Variants in DBN1 observed in about 807,000 individuals in gnomAD.
DBN1 encodes the protein drebrin 1, also known as drebrin.
In DBN1, 21 loss-of-function variants were observed where a neutral mutation model predicts 83.5. The ratio of observed to expected loss-of-function variants is 0.25; its 90% CI spans 0.18 to 0.36. The LOEUF (loss-of-function observed/expected upper bound fraction) is 0.36. Ranked by LOEUF, DBN1 falls within the 10% of genes least tolerant of loss-of-function variation. The pLI is 1.00. For missense variants in DBN1, 874 were observed against 935.7 expected, an observed-to-expected ratio of 0.93 and a Z score of 0.86; for synonymous variants, 381 against 384.9, an observed-to-expected ratio of 0.99 and a Z score of 0.12.
chr5:177,457,908 G>A (rs1238816472), intron 13 of DBN1, 150 bp downstream of exon 13: 4 of 767,842 alleles, frequency 5.2e-6, no homozygotes, highest in East Asian at 6.7e-5. Context: ...AGCAGAGCCG[G>A]CCCAGGGAGG....
At chr5:177,460,219 C>G (rs1385473899) in intron 10 of DBN1, among the ~76,000 whole-genome samples, 1 of 152,220 alleles carries the variant, frequency 6.6e-6, no homozygotes, top group Non-Finnish European at 1.5e-5. Flanking sequence ...CCTAGCACTC[C>G]CCACTGTTCA....
chr5:177,468,810 G>GA (rs1372423622), intron 2 of DBN1, 34 bp downstream of exon 2: 44 of 1,308,724 alleles, frequency 3.4e-5, no homozygotes, highest in Non-Finnish European at 4.1e-5. Context: ...GGAGGGGGTG[G>GA]AGAAGGCGGC....
intron 1 of DBN1, among the ~76,000 whole-genome samples, 200 bp from the exon 2 acceptor site, chr5:177,469,099 G>T (rs1161617632): frequency 6.6e-6 from 1 of 152,130 alleles, no homozygotes. Context: ...TGGGTCAGGG[G>T]GGCGCAGGCA....
At chr5:177,464,090 G>C (rs931730656) in intron 8 of DBN1, among the ~76,000 whole-genome samples, 1 of 151,666 alleles carries the variant, frequency 6.6e-6, no homozygotes, top group Non-Finnish European at 1.5e-5. Flanking sequence ...ACTCTAGCCT[G>C]GGGGACAAGA....
Position 177,457,326 on chromosome 5 carries a change from T to A in DBN1, c.*107A>T, listed in dbSNP as rs1008106891. ...CCCCAGCCAGGGCCGGAATCCGGAG[T>A]GGGTGCCAGGCGGAGCTGCTGCGAA... On this transcript the variant is annotated 3_prime_UTR_variant, in exon 15 of 15. Coordinates refer to ENST00000393565, the MANE Select transcript of DBN1 (RefSeq NM_001363541.2). 5.5e-6 allele frequency: 5 copies of A among 905,938 alleles called. No homozygotes were observed. Among genetic ancestry groups the A allele is most frequent in the Non-Finnish European group, 9.1e-6 (5 of 547,778 alleles). 56.1% of individuals were successfully genotyped at this position (905,938 alleles called of 1,614,324 possible). A position where few individuals can be genotyped will look rare whatever the true frequency, so the allele number is the denominator to read the frequency against.
At chr5:177,457,886 C>T (rs1452822492) in intron 13 of DBN1, 129 bp from the exon 14 acceptor site, 1 of 800,320 alleles carries the variant, frequency 1.2e-6, no homozygotes. Context: ...GGATGCCTGC[C>T]TTGGGAACAA....
At position 177,460,685 on chromosome 5, in the gene DBN1, C is replaced by T; in HGVS notation, c.790G>A (p.Glu264Lys). The change falls in exon 9 of 15, where the codon GAG becomes AAG. Residue 264 changes from glutamate (E) to lysine (K), a missense_variant. By Grantham distance (56) the Glu-to-Lys change is moderately conservative. Coordinates refer to ENST00000393565, the MANE Select transcript of DBN1 (RefSeq NM_001363541.2). Reference sequence around the variant, plus strand: ...GACTTCTTCATGTGGGTCTCTTCCTCCTCATCCCGATGGTCACCCTAGAAA... The same window carrying T: ...GACTTCTTCATGTGGGTCTCTTCCTTCTCATCCCGATGGTCACCCTAGAAA... ...QSIFGDHRDEEEETHMKKSES... is the reference protein window; with the variant it reads ...QSIFGDHRDEKEETHMKKSES... 2 of 1,614,186 alleles carry T rather than the reference C, an allele frequency of 1.2e-6. No individual in the cohort carries two copies. The highest frequency in any genetic ancestry group is 2.2e-5 in the South Asian group (2 of 91,080).
At position 177,464,926 on chromosome 5, in the gene DBN1, GGGCA is replaced by G. The variant is rs1757327181; in HGVS notation, c.771+1842_771+1845del. On this transcript the variant is annotated intron_variant, in intron 8 of 14. Transcript: ENST00000393565. ...TCCCAGCACTTTGGGTGGCTGAGGT[GGGCA>G]GATCATGAGGTCAGGAGATCGAGAC... Among the ~76,000 whole-genome samples the G allele has an allele frequency of 2.6e-5, 4 of 152,048 alleles. No individual in the cohort carries two copies. In the South Asian group the frequency reaches 6.2e-4, roughly 24 times the overall value.
chr5:177,472,404 G>A (rs921511173), intron 1 of DBN1: 11 of 1,442,518 alleles, frequency 7.6e-6, no homozygotes, highest in Admixed American at 6.1e-5. Flanking sequence ...TTCCCTAGAA[G>A]AAGAGTATTA....
chr5:177,464,669 C>A (rs916577927), intron 8 of DBN1, among the ~76,000 whole-genome samples: 2 of 151,088 alleles, frequency 1.3e-5, no homozygotes. Context: ...CTGCTGGGTG[C>A]GGTGGCTCAT....
chr5:177,461,308 C>G (rs1299140957), intron 8 of DBN1, among the ~76,000 whole-genome samples: 1 of 150,976 alleles, frequency 6.6e-6, no homozygotes, highest in Non-Finnish European at 1.5e-5. Context: ...CCGTTTTAGC[C>G]GGGATGGTCT....
chr5:177,468,616 T>G (rs1757633939), intron 2 of DBN1: 1 of 428,574 alleles, frequency 2.3e-6, no homozygotes, highest in Non-Finnish European at 4.1e-6. Flanking sequence ...TAAGTCACTT[T>G]CCCTGTTGGA....
chr5:177,468,130 G>C lies in DBN1; in HGVS notation c.233C>G (p.Pro78Arg), dbSNP rs1475591865. The C allele has an allele frequency of 6.2e-7, 1 of 1,611,072 alleles. No homozygotes were observed. Among genetic ancestry groups the C allele is most frequent in the African/African-American group, 1.3e-5 (1 of 74,702 alleles). ...CSVKDSQAALPKYVLINWVGE... is the reference protein window; with the variant it reads ...CSVKDSQAALRKYVLINWVGE... ...TACCCAGTTGATGAGCACGTATTTT[G>C]GCAGAGCAGCTTGGGAGTCCTTGAC... Residue 78 changes from proline (P) to arginine (R), a missense_variant, in exon 3 of 15, where the codon CCA (proline) becomes CGA (arginine). Pro to Arg is a moderately radical substitution (Grantham distance 103). Transcript: ENST00000393565.
In DBN1 at chr5:177,460,741, C is replaced by G. The variant is rs113949930; in HGVS notation, c.772-38G>C. 1,201 of 1,604,254 alleles carry G rather than the reference C, an allele frequency of 7.5e-4. 2 individuals are homozygous for G. Among genetic ancestry groups the G allele is most frequent in the Non-Finnish European group, 9.6e-4 (1,122 of 1,173,488 alleles). On this transcript the variant is annotated intron_variant, in intron 8 of 14. Coordinates refer to ENST00000393565, the MANE Select transcript of DBN1 (RefSeq NM_001363541.2). ...GGGACAGTGTCTGGTGCACCTACCC[C>G]CCACAGGGGCTTTTGGCCTTCTTTT...
In DBN1 at chr5:177,473,424, CG is replaced by C. The variant is rs1465201654; in HGVS notation, c.86+11del. The C allele has an allele frequency of 5.2e-6, 7 of 1,335,318 alleles. No homozygotes were observed. Among genetic ancestry groups the C allele is most frequent in the Middle Eastern group, 2.7e-4 (1 of 3,664 alleles). The allele number at this position is 1,335,318 out of a possible 1,614,324, so 82.7% of individuals were successfully genotyped here. A position where few individuals can be genotyped will look rare whatever the true frequency, so the allele number is the denominator to read the frequency against. On this transcript the variant is annotated intron_variant, in intron 1 of 14. Transcript: ENST00000393565. ...GGGACAAAGGGGCCGGGGGCGGGGG[CG>C]GGGGGCTCACCAGTCGGCCGCGCTC... is the stretch of plus-strand genomic sequence containing the variant.
chr5:177,465,158 A>T (rs2127399361), intron 8 of DBN1, among the ~76,000 whole-genome samples: 1 of 152,352 alleles, frequency 6.6e-6, no homozygotes, highest in East Asian at 1.9e-4. Context: ...GTCTCAAAAA[A>T]ATTTAAAAAA....
At chr5:177,470,106 C>G (rs1433010634) in intron 1 of DBN1, among the ~76,000 whole-genome samples, 1 of 152,196 alleles carries the variant, frequency 6.6e-6, no homozygotes, top group African/African-American at 2.4e-5. Flanking sequence ...CTCAGCCCCT[C>G]CCCTTCCTGG....
Position 177,467,195 on chromosome 5 carries a change from G to A in DBN1, c.555+60C>T. On this transcript the variant is annotated intron_variant, in intron 6 of 14. Transcript: ENST00000393565. The surrounding 1 kb of genome is among the most constrained non-coding windows in gnomAD (Gnocchi z 9.1). ...CCATGCCACTGCAGTGAGGGACTCA[G>A]ACCTGCCCCATGGGGTCCATGAGGG... 1 of 1,609,892 alleles carries A rather than the reference G, an allele frequency of 6.2e-7. No individual in the cohort carries two copies. The highest frequency in any genetic ancestry group is 1.1e-5 in the South Asian group (1 of 90,966).
intron 1 of DBN1, chr5:177,472,673 G>T (rs989676653): frequency 3.5e-6 from 2 of 570,294 alleles, no homozygotes; most frequent in African/African-American, 2.1e-5. Context: ...TCTCCAGAGG[G>T]CTTCCTCCCA....
Sources: gnomAD v4.1 joint callset for allele counts (sites outside exome capture counted in the v4.1 genomes callset) on GRCh38, gnomAD v4.1.1 for gene constraint, Gnocchi (gnomAD v3.1) non-coding constraint, MANE v1.5 for transcripts, NCBI Gene and HGNC (gene_info 2026-07-23, HGNC 2026-07-21) for gene names.